Variants in PAXIP1 observed in about 807,000 individuals in gnomAD.
The protein encoded by PAXIP1 is PAX interacting protein 1.
In PAXIP1, 19 loss-of-function variants were observed where a neutral mutation model predicts 140.6. The observed-to-expected ratio is 0.14, with a 90% CI of 0.09 to 0.20. The LOEUF (loss-of-function observed/expected upper bound fraction) is 0.20, where lower values mean the gene tolerates loss of function less well. Ranked by LOEUF, PAXIP1 falls within the 10% of genes least tolerant of loss-of-function variation. The pLI is 1.00. For synonymous variants in PAXIP1, 442 were observed against 444.6 expected (o/e 0.99, Z 0.07); for missense variants, 920 against 1,208.6 (o/e 0.76, Z 3.54).
chr7:154,963,038 T>A lies in PAXIP1; in HGVS notation c.1990-580A>T, dbSNP rs1373845735. Among the ~76,000 whole-genome samples, 1 of 152,144 alleles carries A rather than the reference T, an allele frequency of 6.6e-6. No homozygotes were observed. The highest frequency in any genetic ancestry group is 2.1e-4 in the South Asian group (1 of 4,826). On this transcript the variant is annotated intron_variant, in intron 9 of 20. Transcript: ENST00000404141. The surrounding 1 kb of genome is among the most constrained non-coding windows in gnomAD (Gnocchi z 4.1). Reference sequence around the variant, plus strand: ...ATTGAGGAGAAAGCCTGCACCCCGGTAGTTTTAGAAAAGCTCTGTAAGGGA... The same window carrying A: ...ATTGAGGAGAAAGCCTGCACCCCGGAAGTTTTAGAAAAGCTCTGTAAGGGA...
At position 154,991,030 on chromosome 7, in the gene PAXIP1, A is replaced by C. The variant is rs1400406795; in HGVS notation, c.300T>G (p.Phe100Leu). The C allele has an allele frequency of 6.6e-7, 1 of 1,514,448 alleles. No individual in the cohort carries two copies. The highest frequency in any genetic ancestry group is 2.4e-5 in the East Asian group (1 of 41,492). The allele number at this position is 1,514,448 out of a possible 1,614,324, so 93.8% of individuals were successfully genotyped here. A position where few individuals can be genotyped will look rare whatever the true frequency, so the allele number is the denominator to read the frequency against. The part of the protein sequence containing the change: ...GFSPESCQIF[F>L]GITACLSQVS... Reference sequence around the variant, plus strand: ...CCTGAGAAAGGCAGGCAGTGATTCCAAAAAAAATCTGACATGATTCTGGAG... The same window carrying C: ...CCTGAGAAAGGCAGGCAGTGATTCCCAAAAAAATCTGACATGATTCTGGAG... Residue 100 changes from phenylalanine (F) to leucine (L), a missense_variant, in exon 4 of 21, where the codon TTT becomes TTG. Coordinates refer to ENST00000404141, the MANE Select transcript of PAXIP1 (RefSeq NM_007349.4).
chr7:154,980,975 G>T (rs1057152860), intron 5 of PAXIP1, among the ~76,000 whole-genome samples: 1 of 152,230 alleles, frequency 6.6e-6, no homozygotes, highest in Admixed American at 6.5e-5. Flanking sequence ...ACAAAAATTA[G>T]TCAGGTGTGG....
At chr7:154,981,191 C>T (rs555514547) in intron 5 of PAXIP1, among the ~76,000 whole-genome samples, 2 of 152,230 alleles carry the variant, frequency 1.3e-5, no homozygotes, top group Non-Finnish European at 2.9e-5. Flanking sequence ...TGGTGGGTGT[C>T]TGTGTTTCAG....
chr7:154,971,092 G>A (rs1327477865), intron 6 of PAXIP1, among the ~76,000 whole-genome samples: 1 of 152,188 alleles, frequency 6.6e-6, no homozygotes, highest in Admixed American at 6.5e-5. Flanking sequence ...GAGGCCAGAG[G>A]CTCCTATTTT....
At chr7:154,958,746 G>A (rs1808637686) in intron 13 of PAXIP1, among the ~76,000 whole-genome samples, 2 of 152,106 alleles carry the variant, frequency 1.3e-5, no homozygotes, top group Non-Finnish European at 1.5e-5. Flanking sequence ...AGCCACAAGA[G>A]AAGCTGACAT....
rs1273509189 is a variant in PAXIP1 at position 154,962,388 on chromosome 7, A to G, written c.2060T>C (p.Val687Ala). Residue 687 changes from valine to alanine, a missense_variant, in exon 10 of 21, where the codon GTA (valine) becomes GCA (alanine). Physicochemically the swap from Val to Ala is moderately conservative, Grantham distance 64. Transcript: ENST00000404141. Reference protein sequence around the residue: ...LNTVLKKKKMVPPHRALHFPV... With the variant: ...LNTVLKKKKMAPPHRALHFPV... ...GAAGTGAAGGGCTCGGTGCGGCGGT[A>G]CCATTTTCTTCTTCTTTAAGACTGT... 6 of 1,612,836 alleles carry G rather than the reference A, an allele frequency of 3.7e-6. No homozygotes were observed. Among genetic ancestry groups the G allele is most frequent in the Non-Finnish European group, 5.1e-6 (6 of 1,179,430 alleles).
intron 16 of PAXIP1, among the ~76,000 whole-genome samples, chr7:154,953,358 G>C (rs1384950624): frequency 6.6e-6 from 1 of 152,222 alleles, no homozygotes; most frequent in African/African-American, 2.4e-5. Context: ...ATCAGGGGCT[G>C]GTGATCAATA....
At position 154,973,724 on chromosome 7, in the gene PAXIP1, T is replaced by A. The variant is rs1372526513; in HGVS notation, c.1074+1972A>T. ...GCTATTATCATACCCAATAAAATGA[T>A]CATTGTCAACATCACCTTATACCTA... On this transcript the variant is annotated intron_variant, in intron 6 of 20. Coordinates refer to ENST00000404141, the MANE Select transcript of PAXIP1 (RefSeq NM_007349.4). This position sits in a 1 kb window ranked among gnomAD's most constrained non-coding sequence, Gnocchi z 4.0. Among the ~76,000 whole-genome samples the A allele has an allele frequency of 6.6e-6, 1 of 152,208 alleles. No individual in the cohort carries two copies. The highest frequency in any genetic ancestry group is 1.5e-5 in the Non-Finnish European group (1 of 68,034).
chr7:154,988,884 T>A (rs1384808220), intron 4 of PAXIP1, among the ~76,000 whole-genome samples: 1 of 152,248 alleles, frequency 6.6e-6, no homozygotes, highest in Non-Finnish European at 1.5e-5. Context: ...CTTTCATTTT[T>A]AAAACTTTTC....
chr7:154,991,736 C>T (rs1188292979), intron 3 of PAXIP1, among the ~76,000 whole-genome samples: 1 of 152,202 alleles, frequency 6.6e-6, no homozygotes, highest in African/African-American at 2.4e-5. Flanking sequence ...ACAAGGCAGT[C>T]ATGATCTCTA....
At position 154,963,052 on chromosome 7, in the gene PAXIP1, C is replaced by G. The variant is rs1808832711; in HGVS notation, c.1990-594G>C. Among the ~76,000 whole-genome samples, 2 of 152,196 alleles carry G rather than the reference C, an allele frequency of 1.3e-5. No individual in the cohort carries two copies. The highest frequency in any genetic ancestry group is 1.3e-4 in the Admixed American group (2 of 15,274). ...CTGCACCCCGGTAGTTTTAGAAAAG[C>G]TCTGTAAGGGACCTGGTCTTTACAC... On this transcript the variant is annotated intron_variant, in intron 9 of 20. Coordinates refer to ENST00000404141, the MANE Select transcript of PAXIP1 (RefSeq NM_007349.4). This position sits in a 1 kb window ranked among gnomAD's most constrained non-coding sequence, Gnocchi z 4.1.
At chr7:154,989,426 A>C (rs1047589909) in intron 4 of PAXIP1, among the ~76,000 whole-genome samples, 9 of 152,204 alleles carry the variant, frequency 5.9e-5, no homozygotes, top group African/African-American at 2.2e-4. Context: ...AAAGGTGTGC[A>C]CAGAAAAAGA....
Position 154,959,935 on chromosome 7 carries a change from TA to T in PAXIP1, c.2435-3del. On this transcript the variant is annotated splice_polypyrimidine_tract_variant and splice_region_variant and intron_variant, in intron 12 of 20. Coordinates refer to ENST00000404141, the MANE Select transcript of PAXIP1 (RefSeq NM_007349.4). The stretch of plus-strand genomic sequence containing the variant: ...CTTTTAAGGGAACTCTCCAAGCATC[TA>T]AAGAGAGAAACACATTATTTTTTAT... The T allele has an allele frequency of 6.3e-7, 1 of 1,594,262 alleles. No individual in the cohort carries two copies. Among genetic ancestry groups the T allele is most frequent in the Non-Finnish European group, 8.6e-7 (1 of 1,162,536 alleles).
upstream of PAXIP1, chr7:155,003,211 C>G (rs1321960104): frequency 6.7e-6 from 1 of 150,296 alleles, no homozygotes; most frequent in Non-Finnish European, 1.5e-5. Context: ...CCTCCAGTGA[C>G]GCCCCGCGCC....
At chr7:154,959,145 TCTC>T (rs1241476357) in intron 13 of PAXIP1, among the ~76,000 whole-genome samples, 1 of 152,158 alleles carries the variant, frequency 6.6e-6, no homozygotes, top group East Asian at 1.9e-4. Context: ...ATGAAACTAT[TCTC>T]CTCAGCTAGT....
chr7:154,992,963 G>C (rs975075461), intron 3 of PAXIP1, among the ~76,000 whole-genome samples: 3 of 152,164 alleles, frequency 2.0e-5, no homozygotes, highest in African/African-American at 7.2e-5. Flanking sequence ...AAATAAAATA[G>C]AGCACATGAC....
Position 154,946,142 on chromosome 7 carries a change from T to G in PAXIP1, c.3194+223A>C. 1.0e-6 allele frequency: 1 copy of G among 977,108 alleles called. No individual in the cohort carries two copies. Among genetic ancestry groups the G allele is most frequent in the Middle Eastern group, 5.3e-4 (1 of 1,888 alleles). The allele number at this position is 977,108 out of a possible 1,614,324, so 60.5% of individuals were successfully genotyped here. The stretch of plus-strand genomic sequence containing the variant: ...CTAGACAGTATAGATCCTTTCTAAT[T>G]AACATCACCTATTAAAACTGAACTC... On this transcript the variant is annotated intron_variant, in intron 20 of 20. Transcript: ENST00000404141. The surrounding 1 kb of genome is among the most constrained non-coding windows in gnomAD (Gnocchi z 4.9).
intron 4 of PAXIP1, chr7:154,983,627 A>G: frequency 4.4e-6 from 1 of 229,030 alleles, no homozygotes; most frequent in Non-Finnish European, 8.4e-6. Context: ...ATTTCAGTCT[A>G]TAACAAAAAT....
chr7:154,983,326 A>G lies in PAXIP1; in HGVS notation c.331T>C (p.Ser111Pro). The G allele has an allele frequency of 3.2e-6, 5 of 1,549,982 alleles. No homozygotes were observed. The South Asian group carries it at 5.6e-5, about 17-fold the overall frequency. ...GCCCACAGGGCACTTCTGTCTTCAG[A>G]TGACACCTGACAGAAAGTTAGAAAG... ...GITACLSQVS[S>P]EDRSALWALV... The change falls in exon 5 of 21, where the codon TCT (serine) becomes CCT (proline). Residue 111 changes from serine (S) to proline (P), a missense_variant. Physicochemically the swap from Ser to Pro is moderately conservative, Grantham distance 74. This residue lies in a region of PAXIP1 where 419 missense variants were observed against 514.7 expected (regional missense o/e 0.81). Transcript: ENST00000404141.
Sources: gnomAD v4.1 joint callset for allele counts (sites outside exome capture counted in the v4.1 genomes callset) on GRCh38, gnomAD v4.1.1 for gene constraint, gnomAD v4.1.1 regional missense constraint, Gnocchi (gnomAD v3.1) non-coding constraint, MANE v1.5 for transcripts, NCBI Gene and HGNC (gene_info 2026-07-23, HGNC 2026-07-21) for gene names.